Variants in PACS1 observed in about 807,000 individuals in gnomAD.
PACS1 encodes phosphofurin acidic cluster sorting protein 1, also known as PACS-1.
PACS1 carries 24 observed loss-of-function variants against 115.0 expected under a neutral mutation model. The observed-to-expected ratio is 0.21, with a 90% CI of 0.15 to 0.29. The LOEUF (loss-of-function observed/expected upper bound fraction) is 0.29, where lower values mean the gene tolerates loss of function less well. Ranked by LOEUF, PACS1 falls within the 10% of genes least tolerant of loss-of-function variation. PACS1 has a pLI of 1.00. For missense variants in PACS1, 838 were observed against 1,251.2 expected, an observed-to-expected ratio of 0.67 and a Z score of 4.98; for synonymous variants, 453 against 504.5, an observed-to-expected ratio of 0.90 and a Z score of 1.37.
chr11:66,101,629 A>G lies in PACS1; in HGVS notation c.356+30787A>G, dbSNP rs911187145. On this transcript the variant is annotated intron_variant, in intron 1 of 23. Coordinates refer to ENST00000320580, the MANE Select transcript of PACS1 (RefSeq NM_018026.4). ...AGGTATTCCTGGGGTCTTCAACCTG[A>G]TGTGTCATCGAAGTGGGTGGGAAGT... Among the ~76,000 whole-genome samples, 61 of 152,278 alleles carry G rather than the reference A, an allele frequency of 4.0e-4. No homozygotes were observed. The Middle Eastern group carries it at 0.014, about 34-fold the overall frequency.
rs1219711965 is a variant in PACS1 at position 66,243,650 on chromosome 11, T to C, written c.*370T>C. The stretch of plus-strand genomic sequence containing the variant: ...CTTCTCGGAAATGAGAAAGCTGGAA[T>C]CCTGGTCCCCAGCAGGAGAGCCTAG... On this transcript the variant is annotated 3_prime_UTR_variant, in exon 24 of 24. Coordinates refer to ENST00000320580, the MANE Select transcript of PACS1 (RefSeq NM_018026.4). 1.5e-5 allele frequency: 3 copies of C among 205,790 alleles called. No homozygotes were observed. Among genetic ancestry groups the C allele is most frequent in the Non-Finnish European group, 3.0e-5 (3 of 100,112 alleles). The allele number at this position is 205,790 out of a possible 1,614,324, so 12.7% of individuals were successfully genotyped here. A position where few individuals can be genotyped will look rare whatever the true frequency, so the allele number is the denominator to read the frequency against.
intron 1 of PACS1, among the ~76,000 whole-genome samples, chr11:66,166,729 A>C (rs901138405): frequency 6.6e-6 from 1 of 150,398 alleles, no homozygotes; most frequent in Non-Finnish European, 1.5e-5. Context: ...TACTCCTCTG[A>C]CAGTGTACAC....
chr11:66,235,319 G>T lies in PACS1; in HGVS notation c.2123G>T (p.Gly708Val), dbSNP rs935360854. Reference protein sequence around the residue: ...PPVSEQLDVAGRVMQYVNGAA... With the variant: ...PPVSEQLDVAVRVMQYVNGAA... ...TCTGCAGAGCAACTGGACGTGGCAGGGCGGGTGATGCAGTACGTCAACGGG... is the reference window on the plus strand; with the variant it reads ...TCTGCAGAGCAACTGGACGTGGCAGTGCGGGTGATGCAGTACGTCAACGGG... Residue 708 changes from glycine to valine, a missense_variant, in exon 18 of 24, where the codon GGG (glycine) becomes GTG (valine). By Grantham distance (109) the Gly-to-Val change is moderately radical. Around this residue, in one of 6 missense-constraint regions of PACS1, gnomAD observed 383 missense variants for 537.0 expected, o/e 0.71. Coordinates refer to ENST00000320580, the MANE Select transcript of PACS1 (RefSeq NM_018026.4). The surrounding 1 kb of genome is among the most constrained non-coding windows in gnomAD (Gnocchi z 5.6). The T allele has an allele frequency of 6.2e-7, 1 of 1,614,002 alleles. No homozygotes were observed. Among genetic ancestry groups the T allele is most frequent in the Non-Finnish European group, 8.5e-7 (1 of 1,179,900 alleles).
chr11:66,082,204 GCTTT>G (rs1857492839), intron 1 of PACS1, among the ~76,000 whole-genome samples: 3 of 152,006 alleles, frequency 2.0e-5, no homozygotes, highest in Admixed American at 2.0e-4. Flanking sequence ...GGGCACAACT[GCTTT>G]CTTTAGTTTT....
intron 4 of PACS1, among the ~76,000 whole-genome samples, chr11:66,213,677 A>G (rs1341623640): frequency 1.3e-5 from 2 of 152,178 alleles, no homozygotes; most frequent in Non-Finnish European, 2.9e-5. Context: ...TTCAGTTCCA[A>G]CCCAATGCCT....
intron 1 of PACS1, among the ~76,000 whole-genome samples, chr11:66,132,805 A>C (rs1858733979): frequency 6.6e-6 from 1 of 152,144 alleles, no homozygotes; most frequent in Non-Finnish European, 1.5e-5. Flanking sequence ...ATTAGCTGGG[A>C]TTACAGGCAC....
At chr11:66,098,083 G>A (rs1280767686) in intron 1 of PACS1, among the ~76,000 whole-genome samples, 2 of 152,226 alleles carry the variant, frequency 1.3e-5, no homozygotes, top group Middle Eastern at 3.4e-3. Context: ...AGGCTGAGGC[G>A]CAAGAATCAC....
At chr11:66,216,844 A>G in intron 7 of PACS1, 69 bp downstream of exon 7, 1 of 1,029,074 alleles carries the variant, frequency 9.7e-7, no homozygotes, top group Non-Finnish European at 1.5e-6. Flanking sequence ...GCAGCAGCAT[A>G]TTCAGGCCTA....
chr11:66,186,302 C>T (rs1013796279), intron 1 of PACS1, among the ~76,000 whole-genome samples: 4 of 151,340 alleles, frequency 2.6e-5, no homozygotes, highest in Admixed American at 6.6e-5. Flanking sequence ...CCACATCTTG[C>T]GTATGGTTTA....
In PACS1 at chr11:66,070,948, A is replaced by G. The variant is rs1002433084; in HGVS notation, c.356+106A>G. On this transcript the variant is annotated intron_variant, in intron 1 of 23. Transcript: ENST00000320580. This position sits in a 1 kb window ranked among gnomAD's most constrained non-coding sequence, Gnocchi z 5.9. ...GGGGTCCCCGCCCTCCATCTCCCCG[A>G]CTGTCCCGCGGCCCGGCCTGGCTCC... 1.7e-5 allele frequency: 19 copies of G among 1,151,490 alleles called. No homozygotes were observed. The highest frequency in any genetic ancestry group is 2.1e-5 in the Non-Finnish European group (19 of 883,978). 71.3% of individuals were successfully genotyped at this position (1,151,490 alleles called of 1,614,324 possible).
At chr11:66,224,195 C>CA (rs71036281) in intron 10 of PACS1, among the ~76,000 whole-genome samples, 58,456 of 81,112 alleles carry the variant, frequency 0.72, 20,493 homozygotes, top group East Asian at 0.74. Flanking sequence ...GACTCCATCT[C>CA]AAAAAAAAAA....
chr11:66,202,378 A>G lies in PACS1; in HGVS notation c.445-7984A>G, dbSNP rs540112913. On this transcript the variant is annotated intron_variant, in intron 2 of 23. Coordinates refer to ENST00000320580, the MANE Select transcript of PACS1 (RefSeq NM_018026.4). Reference sequence around the variant, plus strand: ...ATGAAACCAATATTCCTCTGATACCAAAACCAAAGAAAGTGACAGGGCAGT... The same window carrying G: ...ATGAAACCAATATTCCTCTGATACCGAAACCAAAGAAAGTGACAGGGCAGT... Among the ~76,000 whole-genome samples the G allele has an allele frequency of 3.3e-5, 5 of 152,276 alleles. No individual in the cohort carries two copies. The South Asian group carries it at 8.3e-4, about 25-fold the overall frequency.
At chr11:66,202,464 A>G (rs1404547890) in intron 2 of PACS1, among the ~76,000 whole-genome samples, 1 of 152,132 alleles carries the variant, frequency 6.6e-6, no homozygotes, top group Non-Finnish European at 1.5e-5. Context: ...TCAGCAACAC[A>G]TTAAAAACAT....
chr11:66,179,433 G>T (rs1438404250), intron 1 of PACS1, among the ~76,000 whole-genome samples: 1 of 152,060 alleles, frequency 6.6e-6, no homozygotes, highest in African/African-American at 2.4e-5. Flanking sequence ...CCCGCCCCAG[G>T]CTTCCAAAGC....
intron 1 of PACS1, among the ~76,000 whole-genome samples, chr11:66,101,373 G>T (rs1488869361): frequency 6.6e-6 from 1 of 152,122 alleles, no homozygotes; most frequent in African/African-American, 2.4e-5. Flanking sequence ...AGTGGGTTGG[G>T]AATCTTGTTT....
At chr11:66,230,448 C>G (rs2134734904) in intron 11 of PACS1, 100 bp from the exon 12 acceptor site, 1 of 772,680 alleles carries the variant, frequency 1.3e-6, no homozygotes, top group Non-Finnish European at 2.2e-6. Context: ...ATGAGTAACT[C>G]TCTCTTCAGG....
chr11:66,234,287 C>A, intron 17 of PACS1, 45 bp downstream of exon 17: 1 of 1,320,638 alleles, frequency 7.6e-7, no homozygotes, highest in Non-Finnish European at 1.1e-6. Flanking sequence ...CCGGGGTCCA[C>A]AGGTGCCAGC....
chr11:66,190,250 A>G (rs1854485572), intron 1 of PACS1, among the ~76,000 whole-genome samples: 1 of 151,998 alleles, frequency 6.6e-6, no homozygotes, highest in Admixed American at 6.6e-5. Flanking sequence ...ATTTGTTTCT[A>G]TTTTATTTGA....
chr11:66,134,026 A>T (rs1342764062), intron 1 of PACS1, among the ~76,000 whole-genome samples: 1 of 151,950 alleles, frequency 6.6e-6, no homozygotes, highest in East Asian at 1.9e-4. Flanking sequence ...AGATATGAGA[A>T]CCTAGCTCTA....
Sources: allele counts gnomAD v4.1 joint callset (sites outside exome capture counted in the v4.1 genomes callset), GRCh38; gene constraint gnomAD v4.1.1; regional missense constraint gnomAD v4.1.1; non-coding constraint Gnocchi (gnomAD v3.1); transcripts MANE v1.5; gene names NCBI Gene and HGNC (gene_info 2026-07-23, HGNC 2026-07-21).